The following CPED1 variants were observed in gnomAD, a reference collection of about 807,000 sequenced individuals.
CPED1 encodes cadherin-like and PC-esterase domain-containing protein 1.
Under a neutral mutation model 128.2 loss-of-function variants are expected in CPED1, and 114 were observed. The observed-to-expected ratio is 0.89, with a 90% CI of 0.76 to 1.04. The LOEUF is 1.04. CPED1 is among the 50% of genes least tolerant of loss of function. CPED1 has a pLI of 0.00. For synonymous variants in CPED1, 462 were observed against 426.7 expected, an observed-to-expected ratio of 1.08 and a Z score of -1.02; for missense variants, 1,211 against 1,207.1, an observed-to-expected ratio of 1.00 and a Z score of -0.05.
chr7:121,125,683 TGC>T (rs1795485742), intron 8 of CPED1, 135 bp from the exon 9 acceptor site: 2 of 653,336 alleles, frequency 3.1e-6, no homozygotes, highest in Admixed American at 2.2e-5. Flanking sequence ...GGTGTGTATG[TGC>T]CACATTTTCT....
chr7:121,046,292 T>C (rs1750726559), intron 3 of CPED1, among the ~76,000 whole-genome samples: 1 of 152,150 alleles, frequency 6.6e-6, no homozygotes, highest in Non-Finnish European at 1.5e-5. Flanking sequence ...TGTATAACTA[T>C]ATTACAAATT....
chr7:121,267,784 G>T (rs772098613), intron 21 of CPED1, among the ~76,000 whole-genome samples: 62 of 152,150 alleles, frequency 4.1e-4, no homozygotes, highest in Non-Finnish European at 6.9e-4. Flanking sequence ...TCTTGCTCAA[G>T]TGAAGGGACT....
chr7:121,265,757 GA>G (rs1792109077), intron 18 of CPED1, among the ~76,000 whole-genome samples: 1 of 152,000 alleles, frequency 6.6e-6, no homozygotes, highest in African/African-American at 2.4e-5. Context: ...CCGCTGTTCA[GA>G]AAATTAGATT....
chr7:121,047,182 C>T (rs1034752448), intron 4 of CPED1, among the ~76,000 whole-genome samples, 189 bp downstream of exon 4: 1 of 152,186 alleles, frequency 6.6e-6, no homozygotes, highest in Non-Finnish European at 1.5e-5. Context: ...TAAGATCTCC[C>T]TCAGCTTCAG....
At chr7:121,144,705 A>C (rs1795983667) in intron 16 of CPED1, among the ~76,000 whole-genome samples, 1 of 152,038 alleles carries the variant, frequency 6.6e-6, no homozygotes, top group African/African-American at 2.4e-5. Flanking sequence ...ACACAAAGAA[A>C]TGACACATAC....
At chr7:121,189,791 TATATATAA>T (rs369172782) in intron 16 of CPED1, among the ~76,000 whole-genome samples, 28,710 of 113,026 alleles carry the variant, frequency 0.25, 4,743 homozygotes, top group East Asian at 0.45. Flanking sequence ...TATATATATA[TATATATAA>T]AATTTGTATT....
At chr7:121,246,994 C>T (rs186460316) in intron 18 of CPED1, among the ~76,000 whole-genome samples, 24 of 152,268 alleles carry the variant, frequency 1.6e-4, no homozygotes, top group Admixed American at 1.2e-3. Context: ...TTTATCAAGA[C>T]GCTAATTTAT....
At position 121,189,773 on chromosome 7, in the gene CPED1, TATATATATATATATATATATATATAA is replaced by T. The variant is rs1474401712; in HGVS notation, c.2056-46939_2056-46914del. 1.7e-3 allele frequency among the ~76,000 whole-genome samples: 117 copies of T among 68,728 alleles called. 11 individuals are homozygous for T. Among genetic ancestry groups the T allele is most frequent in the African/African-American group, 1.6e-3 (29 of 17,998 alleles). 45.1% of individuals were successfully genotyped at this position (68,728 alleles called of 152,430 possible). Reference sequence around the variant, plus strand: ...TCTTATGAGGTTTTATATATATATATATATATATATATATATATATATATAAAATTTGTATTTATTGCCTATTTTAT... The same window carrying T: ...TCTTATGAGGTTTTATATATATATATAATTTGTATTTATTGCCTATTTTAT... On this transcript the variant is annotated intron_variant, in intron 16 of 22. Coordinates refer to ENST00000310396, the MANE Select transcript of CPED1 (RefSeq NM_024913.5).
intron 16 of CPED1, among the ~76,000 whole-genome samples, chr7:121,181,339 A>C (rs1377437791): frequency 6.6e-6 from 1 of 152,114 alleles, no homozygotes; most frequent in Non-Finnish European, 1.5e-5. Flanking sequence ...AATACCCTGT[A>C]ACTTGAAGTT....
chr7:120,991,790 T>C (rs138877737), intron 2 of CPED1, among the ~76,000 whole-genome samples: 165 of 152,316 alleles, frequency 1.1e-3, no homozygotes, highest in African/African-American at 3.9e-3. Context: ...GAATTTCGTT[T>C]AAAAATGATT....
chr7:121,050,871 C>T, intron 4 of CPED1: 2 of 475,334 alleles, frequency 4.2e-6, no homozygotes, highest in South Asian at 1.5e-5. Context: ...TACGATGAGG[C>T]CTGCAGGCAC....
intron 22 of CPED1, among the ~76,000 whole-genome samples, chr7:121,277,401 C>T (rs2116765665): frequency 6.6e-6 from 1 of 152,136 alleles, no homozygotes; most frequent in South Asian, 2.1e-4. Flanking sequence ...CACAGGGAGT[C>T]ATCAGAAAAT....
chr7:121,121,083 T>TCAAG (rs1795375215), intron 7 of CPED1, among the ~76,000 whole-genome samples: 1 of 150,710 alleles, frequency 6.6e-6, no homozygotes, highest in African/African-American at 2.4e-5. Flanking sequence ...ATCAATTCAC[T>TCAAG]CAAGCAAGGT....
chr7:121,047,742 G>C (rs1247882256), intron 4 of CPED1, among the ~76,000 whole-genome samples: 16 of 129,648 alleles, frequency 1.2e-4, no homozygotes, highest in African/African-American at 5.2e-4. Context: ...ACGTAATCTT[G>C]CTCCATCGCC....
intron 7 of CPED1, among the ~76,000 whole-genome samples, chr7:121,107,287 G>C (rs1481270381): frequency 2.0e-5 from 3 of 151,948 alleles, no homozygotes; most frequent in Non-Finnish European, 4.4e-5. Flanking sequence ...TCATCACTGT[G>C]GTAATGTTAA....
At chr7:121,096,743 G>A (rs1433815646) in intron 5 of CPED1, among the ~76,000 whole-genome samples, 1 of 151,982 alleles carries the variant, frequency 6.6e-6, no homozygotes, top group Non-Finnish European at 1.5e-5. Context: ...CGCACCCTAA[G>A]CTATTAAGAG....
At chr7:121,236,894 G>A (rs1381754243) in intron 17 of CPED1, 63 bp downstream of exon 17, 1 of 802,214 alleles carries the variant, frequency 1.2e-6, no homozygotes, top group East Asian at 2.7e-5. Context: ...ATAAGTGTAT[G>A]CTTATTTAAA....
intron 16 of CPED1, among the ~76,000 whole-genome samples, chr7:121,152,194 G>C (rs1796175025): frequency 6.6e-6 from 1 of 152,052 alleles, no homozygotes; most frequent in Non-Finnish European, 1.5e-5. Context: ...TAGCAATGTG[G>C]TACAGACGTT....
chr7:121,084,952 T>C (rs1014555241), intron 5 of CPED1, among the ~76,000 whole-genome samples: 7 of 152,232 alleles, frequency 4.6e-5, no homozygotes, highest in African/African-American at 1.7e-4. Flanking sequence ...ATTTGTGGCC[T>C]TTATCCATTA....
Sources: allele counts gnomAD v4.1 joint callset (sites outside exome capture counted in the v4.1 genomes callset), GRCh38; gene constraint gnomAD v4.1.1; transcripts MANE v1.5; gene names NCBI Gene and HGNC (gene_info 2026-07-23, HGNC 2026-07-21).